Variants in GRM7 observed in about 807,000 individuals in gnomAD.
GRM7 encodes the protein glutamate metabotropic receptor 7.
GRM7 carries 35 observed loss-of-function variants against 84.5 expected under a neutral mutation model. The ratio of observed to expected loss-of-function variants is 0.41; its 90% CI spans 0.32 to 0.55. The LOEUF is 0.55. GRM7 is among the 20% of genes least tolerant of loss of function. The pLI, the probability that GRM7 is intolerant of heterozygous loss-of-function variation, is 0.19. For missense variants in GRM7, 1,003 were observed against 1,194.6 expected (o/e 0.84, Z 2.36); for synonymous variants, 487 against 455.1 (o/e 1.07, Z -0.89).
At chr3:7,297,753 G>A (rs1699861754) in intron 2 of GRM7, among the ~76,000 whole-genome samples, 1 of 152,144 alleles carries the variant, frequency 6.6e-6, no homozygotes. Flanking sequence ...TTTTTTACCT[G>A]TCTCTGCCCC....
intron 1 of GRM7, among the ~76,000 whole-genome samples, chr3:7,050,282 G>T (rs988252350): frequency 2.0e-5 from 3 of 151,810 alleles, no homozygotes; most frequent in South Asian, 4.1e-4. Flanking sequence ...TAACATAAAA[G>T]TCTGTTCTAA....
chr3:7,734,045 G>C (rs911614011), intron 9 of GRM7, among the ~76,000 whole-genome samples: 9 of 152,176 alleles, frequency 5.9e-5, no homozygotes, highest in Admixed American at 4.6e-4. Flanking sequence ...GATTGTATCT[G>C]ACTCATTTCC....
At chr3:6,967,641 G>C (rs1693578662) in intron 1 of GRM7, among the ~76,000 whole-genome samples, 1 of 152,148 alleles carries the variant, frequency 6.6e-6, no homozygotes, top group African/African-American at 2.4e-5. Flanking sequence ...AGCTTTTGGA[G>C]GGTATTTTTC....
At chr3:7,235,961 T>C (rs969424199) in intron 2 of GRM7, among the ~76,000 whole-genome samples, 1 of 152,158 alleles carries the variant, frequency 6.6e-6, no homozygotes, top group Non-Finnish European at 1.5e-5. Context: ...CAGGCATTTA[T>C]TTCTCACAGT....
At chr3:7,618,129 T>C (rs927558691) in intron 8 of GRM7, among the ~76,000 whole-genome samples, 1 of 152,124 alleles carries the variant, frequency 6.6e-6, no homozygotes, top group Non-Finnish European at 1.5e-5. Flanking sequence ...TGTTGGCTGA[T>C]ATAATTATTA....
At chr3:7,518,631 G>A (rs1700479538) in intron 7 of GRM7, among the ~76,000 whole-genome samples, 1 of 152,296 alleles carries the variant, frequency 6.6e-6, no homozygotes, top group East Asian at 1.9e-4. Flanking sequence ...TACCAGAGCT[G>A]CCAGCTCTTG....
At chr3:7,097,594 G>A (rs991605487) in intron 1 of GRM7, among the ~76,000 whole-genome samples, 3 of 152,024 alleles carry the variant, frequency 2.0e-5, no homozygotes, top group Non-Finnish European at 4.4e-5. Context: ...CAAAATGAGT[G>A]TTGGAATAAA....
At chr3:7,004,912 A>G (rs181451531) in intron 1 of GRM7, among the ~76,000 whole-genome samples, 2 of 152,316 alleles carry the variant, frequency 1.3e-5, no homozygotes, top group East Asian at 3.9e-4. Context: ...AGGCAAATCA[A>G]TATATGAGAC....
chr3:7,381,023 G>T (rs927076228), intron 4 of GRM7, among the ~76,000 whole-genome samples: 1 of 152,054 alleles, frequency 6.6e-6, no homozygotes, highest in African/African-American at 2.4e-5. Flanking sequence ...ATTATGGGGT[G>T]GAGGAAGTCA....
intron 1 of GRM7, among the ~76,000 whole-genome samples, chr3:7,068,626 A>G (rs376217966): frequency 1.3e-5 from 2 of 152,000 alleles, no homozygotes; most frequent in African/African-American, 4.8e-5. Flanking sequence ...GTATATTAGG[A>G]TTATTTTTGC....
At chr3:7,189,274 G>A (rs746082365) in intron 2 of GRM7, among the ~76,000 whole-genome samples, 9 of 152,098 alleles carry the variant, frequency 5.9e-5, no homozygotes, top group Non-Finnish European at 1.3e-4. Flanking sequence ...ACACGCACGT[G>A]AGAAAGCAAT....
chr3:7,158,871 A>G, intron 2 of GRM7, among the ~76,000 whole-genome samples: 1 of 152,210 alleles, frequency 6.6e-6, no homozygotes, highest in South Asian at 2.1e-4. Context: ...GTAGAGAAAC[A>G]TGTATTTCCT....
intron 7 of GRM7, 72 bp from the exon 8 acceptor site, chr3:7,578,350 T>G: frequency 1.0e-6 from 1 of 983,200 alleles, no homozygotes; most frequent in Non-Finnish European, 1.5e-6. Context: ...TGAGTACTGT[T>G]TGCTGCTGGT....
chr3:7,673,154 C>T (rs1384293488), intron 8 of GRM7, among the ~76,000 whole-genome samples: 1 of 152,132 alleles, frequency 6.6e-6, no homozygotes, highest in Non-Finnish European at 1.5e-5. Flanking sequence ...TTGATCCCAA[C>T]AGCGTTATGA....
intron 1 of GRM7, among the ~76,000 whole-genome samples, chr3:6,950,675 A>C (rs1050085557): frequency 6.6e-6 from 1 of 152,206 alleles, no homozygotes; most frequent in African/African-American, 2.4e-5. Context: ...AGAGGCAGGC[A>C]GGCCTCCTTG....
At chr3:7,099,924 T>TTATA (rs112239894) in intron 1 of GRM7, among the ~76,000 whole-genome samples, 6 of 71,294 alleles carry the variant, frequency 8.4e-5, no homozygotes, top group African/African-American at 1.4e-4. Flanking sequence ...TATTAATATA[T>TTATA]TATATATATT....
At chr3:7,523,055 G>T (rs1439078339) in intron 7 of GRM7, among the ~76,000 whole-genome samples, 1 of 152,144 alleles carries the variant, frequency 6.6e-6, no homozygotes, top group Non-Finnish European at 1.5e-5. Context: ...TCAGCCTTCA[G>T]ATCTAGGAAA....
intron 8 of GRM7, among the ~76,000 whole-genome samples, chr3:7,658,904 T>C (rs1699315678): frequency 6.6e-6 from 1 of 152,196 alleles, no homozygotes; most frequent in Admixed American, 6.5e-5. Context: ...AACATGAACG[T>C]TTTTGAAAGG....
chr3:7,540,103 G>C (rs1290167429), intron 7 of GRM7, among the ~76,000 whole-genome samples: 1 of 152,170 alleles, frequency 6.6e-6, no homozygotes, highest in Non-Finnish European at 1.5e-5. Flanking sequence ...AGAATGTGGA[G>C]AAATCATAAT....
Sources: gnomAD v4.1 joint callset for allele counts (sites outside exome capture counted in the v4.1 genomes callset) on GRCh38, gnomAD v4.1.1 for gene constraint, MANE v1.5 for transcripts, NCBI Gene and HGNC (gene_info 2026-07-23, HGNC 2026-07-21) for gene names.